Variants in MCF2 observed in about 807,000 individuals in gnomAD.
MCF2 encodes the protein MCF.2 cell line derived transforming sequence, also known as proto-oncogene DBL.
In MCF2, 44 loss-of-function variants were observed where a neutral mutation model predicts 82.5. The observed-to-expected ratio is 0.53, with a 90% CI of 0.42 to 0.69. The LOEUF (loss-of-function observed/expected upper bound fraction) is 0.69. Ranked by LOEUF, MCF2 falls within the 30% of genes least tolerant of loss-of-function variation. MCF2 has a pLI of 0.00. For missense variants in MCF2, 623 were observed against 663.1 expected (o/e 0.94, Z 0.66); for synonymous variants, 217 against 224.9 (o/e 0.96, Z 0.32).
At chrX:139,584,996 CT>C (rs1190668806) in intron 24 of MCF2, 69 bp downstream of exon 28, 8 of 710,389 alleles carry the variant, frequency 1.1e-5, no homozygotes, top group African/African-American at 2.2e-5. Context: ...AAGATTGCCC[CT>C]ATGTGCTCCA....
At chrX:139,590,750 G>T (rs1603274260) in intron 19 of MCF2, among the ~76,000 whole-genome samples, 1 of 110,395 alleles carries the variant, frequency 9.1e-6, no homozygotes, top group South Asian at 3.9e-4. Flanking sequence ...ATCTAAAGGA[G>T]TATCTCACTC....
At chrX:139,627,497 C>T (rs1932789317) in intron 4 of MCF2, among the ~76,000 whole-genome samples, 2 of 111,514 alleles carry the variant, frequency 1.8e-5, no homozygotes, top group African/African-American at 6.5e-5. Flanking sequence ...ACAATATAGA[C>T]CTTTCTCAGA....
At chrX:139,670,434 G>A (rs542879387) in intron 1 of MCF2, among the ~76,000 whole-genome samples, 1 of 110,879 alleles carries the variant, frequency 9.0e-6, no homozygotes. Flanking sequence ...TTTACATTAG[G>A]TATTTCTCCT....
intron 1 of MCF2, among the ~76,000 whole-genome samples, chrX:139,670,116 T>C (rs1351041564): frequency 9.2e-6 from 1 of 108,295 alleles, no homozygotes; most frequent in Non-Finnish European, 1.9e-5. Flanking sequence ...AAAAAGTTCA[T>C]TTGAACGATG....
At chrX:139,637,354 A>G (rs1933288319) in intron 1 of MCF2, among the ~76,000 whole-genome samples, 1 of 111,639 alleles carries the variant, frequency 9.0e-6, no homozygotes, top group South Asian at 3.7e-4. Context: ...TGTTGTTTTC[A>G]TCCCTCGTGC....
chrX:139,595,375 C>T (rs199789802), intron 19 of MCF2, among the ~76,000 whole-genome samples: 2,611 of 109,561 alleles, frequency 0.024, 39 homozygotes, highest in East Asian at 0.08. Flanking sequence ...GGCACATATA[C>T]ACCATGGAAT....
Position 139,590,197 on chromosome X carries a change from A to G in MCF2, c.2278-270T>C, listed in dbSNP as rs778433359. Among the ~76,000 whole-genome samples, 9 of 111,543 alleles carry G rather than the reference A, an allele frequency of 8.1e-5. No homozygotes were observed. In the East Asian group the frequency reaches 2.5e-3, roughly 31 times the overall value. On this transcript the variant is annotated intron_variant, in intron 19 of 24. Transcript: ENST00000370576. The stretch of plus-strand genomic sequence containing the variant: ...ATCTGAACATCCAAGTAGCCCATCT[A>G]AGATCTAATTATGTTATAAATTAAT...
At chrX:139,692,424 G>C (rs1935294435) in intron 1 of MCF2, among the ~76,000 whole-genome samples, 1 of 111,151 alleles carries the variant, frequency 9.0e-6, no homozygotes, top group African/African-American at 3.3e-5. Context: ...GGCTCTGGCG[G>C]AGCGCTCTGG....
chrX:139,586,715 T>C (rs1929000376), intron 22 of MCF2, among the ~76,000 whole-genome samples: 1 of 111,208 alleles, frequency 9.0e-6, no homozygotes, highest in South Asian at 3.9e-4. Flanking sequence ...GGAGAAAAAC[T>C]ACTCCCTTCT....
At chrX:139,591,715 C>T (rs144428556) in intron 19 of MCF2, among the ~76,000 whole-genome samples, 1,879 of 109,724 alleles carry the variant, frequency 0.017, 21 homozygotes, top group South Asian at 0.029. Context: ...ACAAAGGCAA[C>T]AACAGACACT....
rs777138640 is a variant in MCF2, at chrX:139,629,857, G to A, written c.289-13C>T. On this transcript the variant is annotated splice_polypyrimidine_tract_variant and intron_variant, in intron 3 of 24. Coordinates refer to ENST00000370576, the Ensembl canonical transcript of MCF2. Reference sequence around the variant, plus strand: ...AATTTTCTATAGCCTGCAAAGAGCCGGTGATTACTTTAATTATATGGTCAC... The same window carrying A: ...AATTTTCTATAGCCTGCAAAGAGCCAGTGATTACTTTAATTATATGGTCAC... 28 of 1,192,756 alleles carry A rather than the reference G, an allele frequency of 2.3e-5. No individual in the cohort carries two copies. The highest frequency in any genetic ancestry group is 1.6e-4 in the African/African-American group (9 of 56,625).
chrX:139,602,202 A>G (rs1426648083), intron 16 of MCF2, among the ~76,000 whole-genome samples: 1 of 111,002 alleles, frequency 9.0e-6, no homozygotes, highest in Non-Finnish European at 1.9e-5. Context: ...ATACCAAAGG[A>G]TGTAGCTAAA....
At chrX:139,638,162 T>C (rs2148506339) in intron 1 of MCF2, among the ~76,000 whole-genome samples, 1 of 111,696 alleles carries the variant, frequency 9.0e-6, no homozygotes, top group South Asian at 3.8e-4. Flanking sequence ...AACTAACACA[T>C]TGAGGTTTTG....
chrX:139,651,636 C>A (rs1437169720), intron 2 of MCF2, 84 bp downstream of exon 2: 4 of 520,016 alleles, frequency 7.7e-6, no homozygotes, highest in Non-Finnish European at 1.3e-5. Context: ...ATATAGAGAG[C>A]GAGCTATTTA....
At chrX:139,656,331 G>C (rs987110438) in intron 1 of MCF2, among the ~76,000 whole-genome samples, 2 of 111,885 alleles carry the variant, frequency 1.8e-5, no homozygotes, top group South Asian at 7.6e-4. Context: ...CAAAGTGCTG[G>C]GATTACAGGC....
chrX:139,583,434 AT>A (rs771637850), intron 24 of MCF2, among the ~76,000 whole-genome samples: 1 of 111,881 alleles, frequency 8.9e-6, no homozygotes, highest in Non-Finnish European at 1.9e-5. Flanking sequence ...AAGAAATGCA[AT>A]CATGTCCTTT....
intron 1 of MCF2, among the ~76,000 whole-genome samples, chrX:139,686,614 C>T (rs1935131049): frequency 9.0e-6 from 1 of 111,620 alleles, no homozygotes; most frequent in African/African-American, 3.3e-5. Flanking sequence ...GCATCTCCAT[C>T]TCCACTGATG....
At chrX:139,676,511 A>G (rs1460917313) in intron 1 of MCF2, among the ~76,000 whole-genome samples, 1 of 112,165 alleles carries the variant, frequency 8.9e-6, no homozygotes, top group Non-Finnish European at 1.9e-5. Flanking sequence ...TAGAGGTCAT[A>G]TAGCATACTC....
At chrX:139,593,107 A>G (rs1929666295) in intron 19 of MCF2, among the ~76,000 whole-genome samples, 2 of 111,942 alleles carry the variant, frequency 1.8e-5, no homozygotes, top group African/African-American at 3.2e-5. Flanking sequence ...GACAAATGTT[A>G]TATTGGTTTT....
Sources: allele counts gnomAD v4.1 joint callset (sites outside exome capture counted in the v4.1 genomes callset), GRCh38; gene constraint gnomAD v4.1.1; transcripts MANE v1.5; gene names NCBI Gene and HGNC (gene_info 2026-07-23, HGNC 2026-07-21).